PSMA1: variants seen among roughly 807,000 people sequenced by gnomAD.
PSMA1 encodes proteasome subunit alpha type-1.
In PSMA1, 3 loss-of-function variants were observed where a neutral mutation model predicts 38.4. That is an observed-to-expected ratio of 0.08 (90% CI 0.04 to 0.20). The LOEUF (loss-of-function observed/expected upper bound fraction) is 0.20. PSMA1 is among the 10% of genes least tolerant of loss of function. The probability of loss-of-function intolerance (pLI) is 1.00; values close to 1 mark genes in which losing one functional copy is unlikely to be tolerated. For synonymous variants in PSMA1, 101 were observed against 107.1 expected (o/e 0.94, Z 0.35); for missense variants, 227 against 325.3 (o/e 0.70, Z 2.32).
rs189813261 is a variant in PSMA1, at chr11:14,600,318, C to T, written c.21+10648G>A. The stretch of plus-strand genomic sequence containing the variant: ...GACGTTTAAGTCTGCAGAAGTTGTC[C>T]GTTGCCTTATGTTCAGCTATGCCCT... On this transcript the variant is annotated intron_variant, in intron 2 of 10. Coordinates refer to the PSMA1 transcript ENST00000418988. 3.9e-4 allele frequency among the ~76,000 whole-genome samples: 60 copies of T among 152,326 alleles called. No homozygotes were observed. In the South Asian group the frequency reaches 4.1e-3, roughly 11 times the overall value.
intron 2 of PSMA1, among the ~76,000 whole-genome samples, chr11:14,574,250 C>A (rs1175950300): frequency 6.6e-6 from 1 of 152,192 alleles, no homozygotes; most frequent in East Asian, 1.9e-4. Flanking sequence ...AACAGCCTCT[C>A]TTATCACAGG....
intron 2 of PSMA1, among the ~76,000 whole-genome samples, chr11:14,591,067 G>C (rs996270391): frequency 6.6e-6 from 1 of 152,230 alleles, no homozygotes; most frequent in Non-Finnish European, 1.5e-5. Context: ...TGGAGGGAGA[G>C]GCGCGAGCGG....
intron 2 of PSMA1, among the ~76,000 whole-genome samples, chr11:14,550,919 C>T (rs568143017): frequency 7.2e-5 from 11 of 152,154 alleles, no homozygotes; most frequent in Admixed American, 1.3e-4. Flanking sequence ...TTCATTAGAA[C>T]GTCCATTATT....
chr11:14,639,776 C>T (rs1275452882), intron 1 of PSMA1, among the ~76,000 whole-genome samples: 1 of 152,186 alleles, frequency 6.6e-6, no homozygotes, highest in East Asian at 1.9e-4. Context: ...CCCAGATTAT[C>T]TTTTCTACTT....
At chr11:14,634,130 G>A (rs541804970) in intron 1 of PSMA1, among the ~76,000 whole-genome samples, 9 of 152,250 alleles carry the variant, frequency 5.9e-5, no homozygotes, top group South Asian at 4.1e-4. Context: ...CTGTAGACCC[G>A]GAGCTGTTCC....
At chr11:14,610,926 A>G (rs903110561) in intron 2 of PSMA1, 2 of 1,598,600 alleles carry the variant, frequency 1.3e-6, no homozygotes, top group Non-Finnish European at 1.7e-6. Context: ...TGTGAAATCT[A>G]TGCATTCTGT....
intron 2 of PSMA1, among the ~76,000 whole-genome samples, chr11:14,579,102 T>C (rs1443190691): frequency 6.6e-6 from 1 of 152,342 alleles, no homozygotes; most frequent in East Asian, 1.9e-4. Context: ...AACTATTAGG[T>C]ATAACCTATT....
chr11:14,638,545 CTATATATATATA>C (rs1243564648), intron 1 of PSMA1, among the ~76,000 whole-genome samples: 212 of 15,898 alleles, frequency 0.013, 2 homozygotes, highest in African/African-American at 0.021. Flanking sequence ...CTCTCTCTCT[CTATATATATATA>C]TATATATATA....
At chr11:14,597,842 G>C (rs1852520681) in intron 2 of PSMA1, among the ~76,000 whole-genome samples, 1 of 152,032 alleles carries the variant, frequency 6.6e-6, no homozygotes, top group Non-Finnish European at 1.5e-5. Flanking sequence ...TGTGATGTTA[G>C]GGTGTTGTTT....
rs139293573 is a variant in PSMA1 at position 14,597,319 on chromosome 11, G to C, written c.21+13647C>G. Among the ~76,000 whole-genome samples the C allele has an allele frequency of 1.7e-3, 265 of 152,260 alleles. 1 individual carries two copies. The highest frequency in any genetic ancestry group is 6.0e-3 in the African/African-American group (251 of 41,546). Reference sequence around the variant, plus strand: ...GATTGGAATAGTTTCAAAAGGAATGGTACCAGCTCTTCCTTGTACCTCTGG... The same window carrying C: ...GATTGGAATAGTTTCAAAAGGAATGCTACCAGCTCTTCCTTGTACCTCTGG... On this transcript the variant is annotated intron_variant, in intron 2 of 10. Transcript: ENST00000418988.
At chr11:14,608,977 C>T (rs2134197528) in intron 2 of PSMA1, among the ~76,000 whole-genome samples, 1 of 152,248 alleles carries the variant, frequency 6.6e-6, no homozygotes, top group East Asian at 1.9e-4. Context: ...TCTTACTCTA[C>T]TCAGTCCTGG....
intron 2 of PSMA1, among the ~76,000 whole-genome samples, chr11:14,593,247 G>A (rs1852443683): frequency 6.6e-6 from 1 of 152,170 alleles, no homozygotes; most frequent in Non-Finnish European, 1.5e-5. Context: ...TTGATTCCAG[G>A]ACTCATTCTG....
chr11:14,505,396 C>A, intron 9 of PSMA1, 148 bp from the exon 10 acceptor site: 1 of 669,932 alleles, frequency 1.5e-6, no homozygotes, highest in South Asian at 1.8e-5. Context: ...GTCCTGTTAA[C>A]ATTTCTGAGC....
intron 2 of PSMA1, among the ~76,000 whole-genome samples, chr11:14,548,602 A>G (rs936143430): frequency 1.3e-5 from 2 of 152,200 alleles, no homozygotes; most frequent in Non-Finnish European, 2.9e-5. Flanking sequence ...TAGTGGAAAT[A>G]TTTACAGTAT....
chr11:14,596,896 C>T (rs1397725059), intron 2 of PSMA1, among the ~76,000 whole-genome samples: 1 of 152,096 alleles, frequency 6.6e-6, no homozygotes, highest in African/African-American at 2.4e-5. Flanking sequence ...ATAAATAGCT[C>T]TTATTATTTT....
Position 14,517,861 on chromosome 11 carries a change from T to C in PSMA1, c.150+19A>G, listed in dbSNP as rs775456920. 9 of 1,566,570 alleles carry C rather than the reference T, an allele frequency of 5.7e-6. No individual in the cohort carries two copies. The highest frequency in any genetic ancestry group is 8.7e-7 in the Non-Finnish European group (1 of 1,150,188). ...ACATTGTTTTCTACAGAGGAAGACA[T>C]ATTTATTACTGTACTTACTTTCAAT... On this transcript the variant is annotated intron_variant, in intron 3 of 9. Transcript: ENST00000396394.
At chr11:14,538,681 C>T (rs1589986802) in intron 2 of PSMA1, among the ~76,000 whole-genome samples, 1 of 152,364 alleles carries the variant, frequency 6.6e-6, no homozygotes, top group East Asian at 1.9e-4. Context: ...CCCACAGTAG[C>T]TCAGTCAGCC....
chr11:14,539,258 T>G (rs373929155), intron 2 of PSMA1, among the ~76,000 whole-genome samples: 7 of 152,202 alleles, frequency 4.6e-5, no homozygotes, highest in Non-Finnish European at 8.8e-5. Context: ...TGACTCTGTG[T>G]CACTTTCCCC....
intron 2 of PSMA1, among the ~76,000 whole-genome samples, chr11:14,585,516 A>T (rs1415633852): frequency 6.6e-6 from 1 of 152,200 alleles, no homozygotes; most frequent in Non-Finnish European, 1.5e-5. Flanking sequence ...CCTTTTAAGA[A>T]CTTCAGAGAA....
Sources: gnomAD v4.1 joint callset for allele counts (sites outside exome capture counted in the v4.1 genomes callset) on GRCh38, gnomAD v4.1.1 for gene constraint, MANE v1.5 for transcripts, NCBI Gene and HGNC (gene_info 2026-07-23, HGNC 2026-07-21) for gene names.